Variants in MCTP2 observed in about 807,000 individuals in gnomAD.
MCTP2 encodes the protein multiple C2 and transmembrane domain containing 2, also known as multiple C2 and transmembrane domain-containing protein 2.
In MCTP2, 132 loss-of-function variants were observed where a neutral mutation model predicts 111.6. The observed-to-expected ratio is 1.18, with a 90% CI of 1.03 to 1.37. MCTP2 has a LOEUF of 1.37. Ranked by LOEUF, MCTP2 falls within the 40% of genes most tolerant of loss-of-function variation. The pLI is 0.00. For missense variants in MCTP2, 1,183 were observed against 1,067.9 expected (o/e 1.11, Z -1.50); for synonymous variants, 395 against 387.7 (o/e 1.02, Z -0.22).
At chr15:94,412,739 A>AG (rs1280571369) in intron 17 of MCTP2, among the ~76,000 whole-genome samples, 3 of 152,136 alleles carry the variant, frequency 2.0e-5, no homozygotes, top group South Asian at 2.1e-4. Flanking sequence ...GGGTTAAGCT[A>AG]GGTACATGCA....
chr15:94,472,836 T>A (rs2074039252), intron 21 of MCTP2, among the ~76,000 whole-genome samples: 1 of 152,224 alleles, frequency 6.6e-6, no homozygotes, highest in African/African-American at 2.4e-5. Flanking sequence ...TAAGACAAAT[T>A]AGTTACTAGC....
intron 1 of MCTP2, among the ~76,000 whole-genome samples, chr15:94,293,312 C>G (rs2152328007): frequency 6.6e-6 from 1 of 152,202 alleles, no homozygotes; most frequent in African/African-American, 2.4e-5. Context: ...CTGTGTTCAA[C>G]AAAGGACTAA....
intron 17 of MCTP2, among the ~76,000 whole-genome samples, chr15:94,407,781 ACACACACACACACAC>A (rs1567646162): frequency 5.8e-4 from 41 of 71,176 alleles, no homozygotes; most frequent in Non-Finnish European, 6.0e-5. Context: ...TTGTGCACAC[ACACACACACACACAC>A]ACACACACAC....
chr15:94,268,078 G>A (rs2073672662), intron 1 of MCTP2, among the ~76,000 whole-genome samples: 1 of 151,134 alleles, frequency 6.6e-6, no homozygotes, highest in Non-Finnish European at 1.5e-5. Flanking sequence ...GTGATAGCCA[G>A]GATGGTCTCA....
At chr15:94,323,304 CAGTG>C (rs1189900912) in intron 4 of MCTP2, among the ~76,000 whole-genome samples, 3 of 152,042 alleles carry the variant, frequency 2.0e-5, no homozygotes, top group Admixed American at 6.5e-5. Context: ...TGTGGCCTCT[CAGTG>C]TGTGTATGTG....
At chr15:94,436,660 T>G (rs1365666476) in intron 17 of MCTP2, among the ~76,000 whole-genome samples, 2 of 152,206 alleles carry the variant, frequency 1.3e-5, no homozygotes, top group Admixed American at 6.5e-5. Context: ...TACTGGTGGT[T>G]GTTCAAGTAA....
chr15:94,469,211 C>T (rs1012249159), intron 20 of MCTP2, among the ~76,000 whole-genome samples: 37 of 152,144 alleles, frequency 2.4e-4, no homozygotes, highest in East Asian at 7.7e-4. Context: ...TGAGGCTCTA[C>T]GGTTAAATCT....
intron 8 of MCTP2, 88 bp downstream of exon 8, chr15:94,345,252 C>T: frequency 8.3e-7 from 1 of 1,207,992 alleles, no homozygotes; most frequent in East Asian, 2.5e-5. Flanking sequence ...AGATATTACC[C>T]AATCTTTACA....
intron 8 of MCTP2, among the ~76,000 whole-genome samples, chr15:94,345,815 T>C (rs1040649980): frequency 6.6e-6 from 1 of 152,220 alleles, no homozygotes; most frequent in African/African-American, 2.4e-5. Flanking sequence ...ATTTGTAACT[T>C]AATTTATAAA....
chr15:94,267,077 A>C (rs944827005), intron 1 of MCTP2, among the ~76,000 whole-genome samples: 2 of 152,198 alleles, frequency 1.3e-5, no homozygotes, highest in Non-Finnish European at 2.9e-5. Flanking sequence ...TGCTTTTTGA[A>C]TAATTTACAT....
At chr15:94,287,546 C>G (rs1379040118) in intron 1 of MCTP2, among the ~76,000 whole-genome samples, 1 of 152,176 alleles carries the variant, frequency 6.6e-6, no homozygotes, top group Non-Finnish European at 1.5e-5. Context: ...AAACTATGGT[C>G]AGCGTGCTTT....
intron 17 of MCTP2, among the ~76,000 whole-genome samples, chr15:94,404,302 TTG>T (rs1472438774): frequency 4.2e-5 from 6 of 144,106 alleles, no homozygotes; most frequent in African/African-American, 1.6e-4. Context: ...TTATTTTTTA[TTG>T]TTTTTTTTTT....
At chr15:94,250,379 A>G (rs544475817) in intron 1 of MCTP2, among the ~76,000 whole-genome samples, 1 of 152,302 alleles carries the variant, frequency 6.6e-6, no homozygotes, top group South Asian at 2.1e-4. Flanking sequence ...TCTATCCTTC[A>G]CTTGTGCTGA....
intron 2 of MCTP2, among the ~76,000 whole-genome samples, chr15:94,313,921 G>A (rs1015502606): frequency 2.6e-5 from 4 of 152,206 alleles, no homozygotes; most frequent in African/African-American, 4.8e-5. Context: ...GTTTCACATC[G>A]GAGGCTGGGG....
At chr15:94,276,079 T>C (rs568501358) in intron 1 of MCTP2, among the ~76,000 whole-genome samples, 43 of 152,050 alleles carry the variant, frequency 2.8e-4, no homozygotes, top group South Asian at 8.3e-4. Context: ...CTCCTGACCT[T>C]GTGATCCGCC....
chr15:94,382,090 G>C (rs370507761), intron 12 of MCTP2, among the ~76,000 whole-genome samples: 3 of 152,360 alleles, frequency 2.0e-5, no homozygotes, highest in Admixed American at 6.5e-5. Context: ...TGTAAGACAG[G>C]CCCCGGAGGC....
Position 94,467,154 on chromosome 15 carries a change from T to C in MCTP2, c.2361-3179T>C, listed in dbSNP as rs371596670. 7.9e-5 allele frequency among the ~76,000 whole-genome samples: 12 copies of C among 152,260 alleles called. No individual in the cohort carries two copies. The East Asian group carries it at 2.1e-3, about 27-fold the overall frequency. On this transcript the variant is annotated intron_variant, in intron 20 of 22. Transcript: ENST00000357742. ...TATTCCTGTTTTAGAGATGGGAAAA[T>C]GAAAGCACAGAGTGGTGGGGTAAAT...
intron 4 of MCTP2, among the ~76,000 whole-genome samples, chr15:94,328,008 G>A (rs1334504209): frequency 2.6e-5 from 4 of 152,094 alleles, no homozygotes; most frequent in Non-Finnish European, 5.9e-5. Context: ...CCTGCTGCGT[G>A]TAAGAAAATT....
chr15:94,433,594 CT>C (rs145034303), intron 17 of MCTP2, among the ~76,000 whole-genome samples: 2 of 152,212 alleles, frequency 1.3e-5, no homozygotes, highest in Non-Finnish European at 2.9e-5. Context: ...GTGGACAAGA[CT>C]TTTGTGAGAC....
Sources: gnomAD v4.1 joint callset for allele counts (sites outside exome capture counted in the v4.1 genomes callset) on GRCh38, gnomAD v4.1.1 for gene constraint, MANE v1.5 for transcripts, NCBI Gene and HGNC (gene_info 2026-07-23, HGNC 2026-07-21) for gene names.